The following TAFA2 variants were observed in gnomAD, a reference collection of about 807,000 sequenced individuals.
TAFA2 encodes chemokine-like protein TAFA-2.
A neutral mutation model predicts 18.8 loss-of-function variants in TAFA2; 7 were observed. The ratio of observed to expected loss-of-function variants is 0.37; its 90% CI spans 0.21 to 0.70. TAFA2 has a LOEUF of 0.70. Ranked by LOEUF, TAFA2 falls within the 30% of genes least tolerant of loss-of-function variation. The pLI is 0.53. For synonymous variants in TAFA2, 60 were observed against 54.2 expected (o/e 1.11, Z -0.47); for missense variants, 122 against 158.1 (o/e 0.77, Z 1.23).
At position 61,776,451 on chromosome 12, in the gene TAFA2, AC is replaced by A. The variant is rs1250759276; in HGVS notation, c.107-21428del. The A allele has an allele frequency of 2.0e-5, 3 of 153,572 alleles. No individual in the cohort carries two copies. In the East Asian group the frequency reaches 5.8e-4, roughly 30 times the overall value. 9.5% of individuals were successfully genotyped at this position (153,572 alleles called of 1,614,324 possible). A position where few individuals can be genotyped will look rare whatever the true frequency, so the allele number is the denominator to read the frequency against. ...CTCTGGACCGCATAAAAGTCAACGA[AC>A]ATAAAGTGATTAAGAGCCATGATGC... is the stretch of plus-strand genomic sequence containing the variant. On this transcript the variant is annotated intron_variant, in intron 2 of 4. Transcript: ENST00000416284.
At chr12:62,200,335 T>C (rs1816390938) in intron 1 of TAFA2, among the ~76,000 whole-genome samples, 1 of 152,218 alleles carries the variant, frequency 6.6e-6, no homozygotes, top group African/African-American at 2.4e-5. Flanking sequence ...TGCCCGTGCC[T>C]ATGTACTAAA....
chr12:62,220,954 A>G (rs564627475), intron 1 of TAFA2, among the ~76,000 whole-genome samples: 1 of 152,120 alleles, frequency 6.6e-6, no homozygotes, highest in African/African-American at 2.4e-5. Context: ...AAAAAATAGA[A>G]AAATTAGCCG....
chr12:62,114,446 C>T (rs2136869835), intron 1 of TAFA2, among the ~76,000 whole-genome samples: 1 of 152,266 alleles, frequency 6.6e-6, no homozygotes, highest in East Asian at 1.9e-4. Context: ...GGCCATCTTG[C>T]CCAGGTCCCC....
chr12:62,157,575 C>A (rs1038426082), intron 1 of TAFA2, among the ~76,000 whole-genome samples: 1 of 152,210 alleles, frequency 6.6e-6, no homozygotes, highest in African/African-American at 2.4e-5. Context: ...CCACCTCTAT[C>A]TACCTCACTG....
At chr12:61,830,750 T>C (rs1337678938) in intron 2 of TAFA2, among the ~76,000 whole-genome samples, 3 of 152,060 alleles carry the variant, frequency 2.0e-5, no homozygotes, top group Non-Finnish European at 2.9e-5. Context: ...GTACTTGATA[T>C]TGTAATAATG....
intron 2 of TAFA2, among the ~76,000 whole-genome samples, chr12:61,866,755 A>G (rs1874370495): frequency 6.6e-6 from 1 of 152,192 alleles, no homozygotes; most frequent in Non-Finnish European, 1.5e-5. Context: ...ATAAAGAATC[A>G]TGACCCACAA....
At chr12:62,114,736 G>A (rs1309849421) in intron 1 of TAFA2, among the ~76,000 whole-genome samples, 2 of 152,088 alleles carry the variant, frequency 1.3e-5, no homozygotes, top group Non-Finnish European at 2.9e-5. Flanking sequence ...AAACTATAGG[G>A]CCAGCCTTTG....
intron 1 of TAFA2, among the ~76,000 whole-genome samples, chr12:62,152,233 G>C (rs1323364964): frequency 1.3e-5 from 2 of 152,162 alleles, no homozygotes; most frequent in Non-Finnish European, 2.9e-5. Context: ...TATGCACAGT[G>C]AACAATGCAG....
At chr12:61,736,857 C>T (rs1868313071) in intron 4 of TAFA2, among the ~76,000 whole-genome samples, 1 of 151,936 alleles carries the variant, frequency 6.6e-6, no homozygotes, top group African/African-American at 2.4e-5. Context: ...AAAGAGGATT[C>T]CTTGAAGCAT....
chr12:62,059,108 AAAT>A (rs1359665294), intron 1 of TAFA2, among the ~76,000 whole-genome samples: 155 of 92,112 alleles, frequency 1.7e-3, no homozygotes, highest in Admixed American at 6.1e-3. Flanking sequence ...GTCTCAAAAA[AAAT>A]AATAATAATA....
At chr12:62,075,400 A>G (rs959102713) in intron 1 of TAFA2, among the ~76,000 whole-genome samples, 9 of 152,196 alleles carry the variant, frequency 5.9e-5, no homozygotes, top group African/African-American at 2.2e-4. Context: ...AGGCATGGCC[A>G]TGTGTCCAAG....
intron 2 of TAFA2, among the ~76,000 whole-genome samples, chr12:61,822,256 T>C (rs11609657): frequency 0.31 from 47,517 of 151,942 alleles, 7,644 homozygotes; most frequent in South Asian, 0.4. Flanking sequence ...TTCTCTCACG[T>C]CTAAATCTTG....
At chr12:62,102,449 T>C (rs79012789) in intron 1 of TAFA2, among the ~76,000 whole-genome samples, 8,241 of 152,268 alleles carry the variant, frequency 0.054, 334 homozygotes, top group Non-Finnish European at 0.083. Context: ...GAAAATTAGA[T>C]TACTCCCCCC....
chr12:62,042,858 G>A (rs1881801402), intron 1 of TAFA2, among the ~76,000 whole-genome samples: 1 of 152,020 alleles, frequency 6.6e-6, no homozygotes, highest in Admixed American at 6.6e-5. Flanking sequence ...AACCTGTGTG[G>A]TGACCATTCC....
At chr12:62,067,191 C>T (rs1882512132) in intron 1 of TAFA2, among the ~76,000 whole-genome samples, 1 of 151,794 alleles carries the variant, frequency 6.6e-6, no homozygotes, top group Non-Finnish European at 1.5e-5. Context: ...GTTGTTTGAG[C>T]TATTTATGTA....
chr12:62,234,981 T>G, intron 1 of TAFA2: 1 of 675,874 alleles, frequency 1.5e-6, no homozygotes, highest in Non-Finnish European at 2.8e-6. Context: ...CAATGTTTCA[T>G]CAGAAGGTAC....
intron 1 of TAFA2, among the ~76,000 whole-genome samples, chr12:62,167,190 A>C (rs1186328342): frequency 6.6e-6 from 1 of 152,178 alleles, no homozygotes; most frequent in Non-Finnish European, 1.5e-5. Context: ...AAAATTTCTA[A>C]AGTTACTTAT....
intron 2 of TAFA2, among the ~76,000 whole-genome samples, chr12:61,760,203 C>G (rs1164622779): frequency 1.3e-5 from 2 of 149,036 alleles, no homozygotes; most frequent in African/African-American, 4.9e-5. Flanking sequence ...AGGTGTAAAA[C>G]TTTTTATGGG....
intron 1 of TAFA2, among the ~76,000 whole-genome samples, chr12:61,957,131 G>C (rs371532476): frequency 2.0e-4 from 31 of 152,222 alleles, no homozygotes; most frequent in African/African-American, 7.2e-4. Context: ...TATGCCCTGT[G>C]CCAGCATTTG....
Sources: gnomAD v4.1 joint callset for allele counts (sites outside exome capture counted in the v4.1 genomes callset) on GRCh38, gnomAD v4.1.1 for gene constraint, MANE v1.5 for transcripts, NCBI Gene and HGNC (gene_info 2026-07-23, HGNC 2026-07-21) for gene names.